Variants in GATA5 observed in about 807,000 individuals in gnomAD.
GATA5 encodes GATA binding protein 5.
A neutral mutation model predicts 35.0 loss-of-function variants in GATA5; 27 were observed. That is an observed-to-expected ratio of 0.77 (90% CI 0.57 to 1.06). GATA5 has a LOEUF of 1.06. Ranked by LOEUF, GATA5 falls within the 50% of genes least tolerant of loss-of-function variation. The pLI, the probability that GATA5 is intolerant of heterozygous loss-of-function variation, is 0.00. For synonymous variants in GATA5, 306 were observed against 267.8 expected (o/e 1.14, Z -1.39); for missense variants, 612 against 580.0 (o/e 1.06, Z -0.57).
At chr20:62,471,998 A>G (rs1555896622) in intron 3 of GATA5, among the ~76,000 whole-genome samples, 2 of 150,114 alleles carry the variant, frequency 1.3e-5, no homozygotes, top group Non-Finnish European at 3.0e-5. Flanking sequence ...CTCCTGCTTC[A>G]GCCTTCCAAA....
chr20:62,469,167 C>T (rs185489982), intron 3 of GATA5, among the ~76,000 whole-genome samples: 6 of 152,358 alleles, frequency 3.9e-5, no homozygotes, highest in South Asian at 4.1e-4. Flanking sequence ...GGCTGCCAGA[C>T]GGATTGACCC....
Position 62,463,769 on chromosome 20 carries a change from T to C in GATA5, c.*1067A>G, listed in dbSNP as rs1989500472. Reference sequence around the variant, plus strand: ...CATTGCTGGAAAAATCAGGGCTTGTTGTTGAAGGGCAGCAGCCGGACGGAG... The same window carrying C: ...CATTGCTGGAAAAATCAGGGCTTGTCGTTGAAGGGCAGCAGCCGGACGGAG... On this transcript the variant is annotated 3_prime_UTR_variant, in exon 7 of 7. Transcript: ENST00000252997. 1 of 124,160 alleles carries C rather than the reference T, an allele frequency of 8.1e-6. No individual in the cohort carries two copies. Among genetic ancestry groups the C allele is most frequent in the Non-Finnish European group, 1.8e-5 (1 of 55,578 alleles). 7.7% of individuals were successfully genotyped at this position (124,160 alleles called of 1,614,324 possible).
intron 3 of GATA5, among the ~76,000 whole-genome samples, chr20:62,467,732 C>T (rs1274142801): frequency 4.6e-5 from 7 of 152,220 alleles, no homozygotes; most frequent in Non-Finnish European, 8.8e-5. Context: ...TGAGAATGGG[C>T]CCCCCACACT....
At chr20:62,469,135 A>G (rs36066145) in intron 3 of GATA5, among the ~76,000 whole-genome samples, 9,287 of 152,262 alleles carry the variant, frequency 0.061, 983 homozygotes, top group African/African-American at 0.21. Flanking sequence ...GTCTTCCTGA[A>G]GTGGAAAGAA....
rs182878632 is a variant in GATA5 at position 62,472,273 on chromosome 20, C to T, written c.699+1130G>A. 2.2e-3 allele frequency among the ~76,000 whole-genome samples: 338 copies of T among 152,276 alleles called. 3 individuals are homozygous for T. The highest frequency in any genetic ancestry group is 7.8e-3 in the African/African-American group (325 of 41,552). ...AAGGAAGAGAAGTGACGGCCGCCCCCGGCCTGTGGTCCTGCTTCCCACCAC... is the reference window on the plus strand; with the variant it reads ...AAGGAAGAGAAGTGACGGCCGCCCCTGGCCTGTGGTCCTGCTTCCCACCAC... On this transcript the variant is annotated intron_variant, in intron 3 of 6. Transcript: ENST00000252997.
chr20:62,464,177 T>A lies in GATA5; in HGVS notation c.*659A>T, dbSNP rs1049019616. 2 of 152,280 alleles carry A rather than the reference T, an allele frequency of 1.3e-5. No homozygotes were observed. The highest frequency in any genetic ancestry group is 2.9e-5 in the Non-Finnish European group (2 of 68,084). 9.4% of individuals were successfully genotyped at this position (152,280 alleles called of 1,614,324 possible). On this transcript the variant is annotated 3_prime_UTR_variant, in exon 7 of 7. Coordinates refer to ENST00000252997, the MANE Select transcript of GATA5 (RefSeq NM_080473.5). The stretch of plus-strand genomic sequence containing the variant: ...CCTTTCCCATCCCCTCTGGAAAAAC[T>A]GTCCAAACAAGTGCGTAAGTCTGTG...
intron 6 of GATA5, 78 bp downstream of exon 6, chr20:62,465,262 G>T: frequency 2.1e-6 from 3 of 1,446,060 alleles, no homozygotes; most frequent in Non-Finnish European, 2.8e-6. Context: ...GCTCCGAGGG[G>T]CTCTGATGGG....
At chr20:62,475,774 G>A (rs868972172) in intron 1 of GATA5, among the ~76,000 whole-genome samples, 156 bp downstream of exon 1, 3 of 151,980 alleles carry the variant, frequency 2.0e-5, no homozygotes, top group African/African-American at 7.2e-5. Context: ...TCCCCGACCG[G>A]GCTTCGGAGG....
At chr20:62,471,035 T>C (rs1340255073) in intron 3 of GATA5, among the ~76,000 whole-genome samples, 1 of 152,158 alleles carries the variant, frequency 6.6e-6, no homozygotes, top group Non-Finnish European at 1.5e-5. Context: ...TGTGGACGGT[T>C]CCAAGTTCCT....
intron 6 of GATA5, 51 bp downstream of exon 6, chr20:62,465,289 G>A (rs1555895925): frequency 1.3e-6 from 2 of 1,542,814 alleles, no homozygotes; most frequent in Non-Finnish European, 1.7e-6. Flanking sequence ...CTTGGCGGAG[G>A]AAGCACAGGG....
intron 3 of GATA5, among the ~76,000 whole-genome samples, chr20:62,471,106 G>T (rs950304118): frequency 3.9e-5 from 6 of 152,140 alleles, no homozygotes; most frequent in Admixed American, 6.5e-5. Context: ...TCTACGAGAT[G>T]CCCCAGCCCA....
At chr20:62,465,199 A>C (rs1020181709) in intron 6 of GATA5, 141 bp downstream of exon 6, 3 of 1,018,874 alleles carry the variant, frequency 2.9e-6, no homozygotes, top group Non-Finnish European at 4.2e-6. Context: ...GGGAAGGGCC[A>C]CCATACTGAT....
Position 62,464,846 on chromosome 20 carries a change from G to A in GATA5, c.1184C>T (p.Ala395Val). 6.2e-7 allele frequency: 1 copy of A among 1,603,268 alleles called. No individual in the cohort carries two copies. The highest frequency in any genetic ancestry group is 8.5e-7 in the Non-Finnish European group (1 of 1,174,504). ...GGCTGGCCTGGGGACCTAGGCCAAG[G>A]CCAGCGCACACCAGGCCTCTTGGCG... The part of the protein sequence containing the change: ...ALRQEAWCAL[A>V]LA Residue 395 changes from alanine (A) to valine (V), a missense_variant, in exon 7 of 7, where the codon GCC becomes GTC. Transcript: ENST00000252997.
At chr20:62,467,379 G>C (rs528806631) in intron 3 of GATA5, among the ~76,000 whole-genome samples, 1 of 152,290 alleles carries the variant, frequency 6.6e-6, no homozygotes, top group East Asian at 1.9e-4. Context: ...TGCTTGGAGG[G>C]AGGTGGTGTT....
At chr20:62,472,408 C>T (rs1025619854) in intron 3 of GATA5, among the ~76,000 whole-genome samples, 14 of 152,220 alleles carry the variant, frequency 9.2e-5, no homozygotes, top group African/African-American at 2.9e-4. Flanking sequence ...ACCGGCATAG[C>T]ACGCGAATCC....
intron 5 of GATA5, 92 bp downstream of exon 5, chr20:62,465,742 T>A: frequency 9.3e-7 from 1 of 1,079,722 alleles, no homozygotes; most frequent in Non-Finnish European, 1.4e-6. Context: ...GGACTGTGCT[T>A]GAACCAAACA....
At chr20:62,473,814 G>A (rs1555896827) in intron 2 of GATA5, among the ~76,000 whole-genome samples, 1 of 152,218 alleles carries the variant, frequency 6.6e-6, no homozygotes, top group African/African-American at 2.4e-5. Context: ...GGTTTTTCGA[G>A]GATGGGGTGT....
chr20:62,472,241 C>T (rs1238692665), intron 3 of GATA5, among the ~76,000 whole-genome samples: 2 of 152,106 alleles, frequency 1.3e-5, no homozygotes, highest in Non-Finnish European at 2.9e-5. Flanking sequence ...GGCCCTAGGC[C>T]AGCTCCAAGG....
intron 3 of GATA5, among the ~76,000 whole-genome samples, chr20:62,467,113 C>G (rs1405638262): frequency 6.6e-6 from 1 of 152,242 alleles, no homozygotes; most frequent in Non-Finnish European, 1.5e-5. Context: ...CTGGAACCTT[C>G]CAGAGGCTCC....
Sources: gnomAD v4.1 joint callset for allele counts (sites outside exome capture counted in the v4.1 genomes callset) on GRCh38, gnomAD v4.1.1 for gene constraint, MANE v1.5 for transcripts, NCBI Gene and HGNC (gene_info 2026-07-23, HGNC 2026-07-21) for gene names.